The following SMIM35 variants were observed in gnomAD, a reference collection of about 807,000 sequenced individuals.
SMIM35 encodes the protein TMPRSS4 antisense RNA 1 (non-protein coding).
intron 1 of SMIM35, among the ~76,000 whole-genome samples, chr11:118,067,705 C>T (rs933709834): frequency 2.0e-5 from 3 of 150,278 alleles, no homozygotes; most frequent in African/African-American, 7.4e-5. Flanking sequence ...TGTGGTGGTG[C>T]GCCTATAGTT....
chr11:118,015,816 A>G lies in SMIM35; in HGVS notation c.8-7T>C, dbSNP rs1361143627. On this transcript the variant is annotated splice_polypyrimidine_tract_variant and splice_region_variant and intron_variant, in intron 1 of 4. Transcript: ENST00000689828. ...GTGCTGATGGAGTCCTCACCTGCAGAGACATGCAGCTGTGCACCCTCCCAC... is the reference window on the plus strand; with the variant it reads ...GTGCTGATGGAGTCCTCACCTGCAGGGACATGCAGCTGTGCACCCTCCCAC... 7.5e-6 allele frequency: 3 copies of G among 399,148 alleles called. No homozygotes were observed. The highest frequency in any genetic ancestry group is 1.3e-5 in the Non-Finnish European group (3 of 226,200). 24.7% of individuals were successfully genotyped at this position (399,148 alleles called of 1,614,324 possible). A position where few individuals can be genotyped will look rare whatever the true frequency, so the allele number is the denominator to read the frequency against.
chr11:118,081,200 C>T (rs1204467046), intron 1 of SMIM35, among the ~76,000 whole-genome samples: 1 of 152,206 alleles, frequency 6.6e-6, no homozygotes, highest in Non-Finnish European at 1.5e-5. Context: ...GAAAACAAGG[C>T]TCACCCGAAG....
intron 1 of SMIM35, among the ~76,000 whole-genome samples, chr11:118,062,313 G>A (rs1177891277): frequency 6.6e-6 from 1 of 152,218 alleles, no homozygotes; most frequent in Non-Finnish European, 1.5e-5. Context: ...CTGGGCAACA[G>A]AGCGAGACTC....
intron 1 of SMIM35, among the ~76,000 whole-genome samples, chr11:118,045,924 T>C (rs139324382): frequency 3.3e-4 from 50 of 152,390 alleles, no homozygotes; most frequent in African/African-American, 1.2e-3. Context: ...GATTGAGTTT[T>C]AATCCTCTCT....
At chr11:118,017,975 G>T (rs1279689844) in intron 1 of SMIM35, among the ~76,000 whole-genome samples, 2 of 152,194 alleles carry the variant, frequency 1.3e-5, no homozygotes, top group East Asian at 3.8e-4. Flanking sequence ...AACACATGGG[G>T]ATTATGGGAA....
intron 1 of SMIM35, chr11:118,077,239 G>T: frequency 6.4e-7 from 1 of 1,573,416 alleles, no homozygotes; most frequent in Non-Finnish European, 8.6e-7. Context: ...AGGCCCTCCT[G>T]CTGCCTTGGG....
intron 1 of SMIM35, among the ~76,000 whole-genome samples, chr11:118,049,092 G>A (rs958282539): frequency 1.3e-5 from 2 of 152,090 alleles, no homozygotes; most frequent in African/African-American, 4.8e-5. Context: ...GTGAGCTTTA[G>A]CAGCAACGTC....
chr11:118,077,050 T>C (rs1002962374), intron 1 of SMIM35: 1 of 481,844 alleles, frequency 2.1e-6, no homozygotes, highest in Middle Eastern at 5.4e-4. Context: ...AGGGCTGTTT[T>C]AATCAAGCTG....
intron 1 of SMIM35, among the ~76,000 whole-genome samples, chr11:118,078,881 G>C (rs1220176985): frequency 2.0e-5 from 3 of 152,320 alleles, no homozygotes; most frequent in African/African-American, 7.2e-5. Flanking sequence ...CATGCACCGG[G>C]TTCGCAGAGA....
intron 1 of SMIM35, among the ~76,000 whole-genome samples, chr11:118,074,448 G>A (rs1275770372): frequency 1.3e-5 from 2 of 152,246 alleles, no homozygotes; most frequent in African/African-American, 4.8e-5. Context: ...GCTTCCTCCG[G>A]GAGAATGGGG....
intron 4 of SMIM35, among the ~76,000 whole-genome samples, chr11:118,010,606 G>T (rs927564853): frequency 6.6e-6 from 1 of 152,216 alleles, no homozygotes; most frequent in African/African-American, 2.4e-5. Flanking sequence ...CTGCAATTCA[G>T]ATCAAAATGG....
chr11:118,018,819 C>T (rs747596515), intron 1 of SMIM35, among the ~76,000 whole-genome samples: 3 of 152,106 alleles, frequency 2.0e-5, no homozygotes, highest in Non-Finnish European at 4.4e-5. Flanking sequence ...TTTGATCTTT[C>T]TGGGATGCTC....
At chr11:118,006,567 T>C (rs1382109003) in intron 4 of SMIM35, among the ~76,000 whole-genome samples, 191 bp from the exon 5 acceptor site, 4 of 152,136 alleles carry the variant, frequency 2.6e-5, no homozygotes, top group East Asian at 1.9e-4. Context: ...CAATACTCAA[T>C]AAATTTTGAT....
intron 1 of SMIM35, among the ~76,000 whole-genome samples, chr11:118,044,383 G>A (rs940909018): frequency 5.3e-5 from 8 of 150,718 alleles, no homozygotes; most frequent in African/African-American, 1.7e-4. Context: ...GTGGCATTAT[G>A]CACCTTACTA....
At chr11:118,019,230 T>A (rs1369550956) in intron 1 of SMIM35, among the ~76,000 whole-genome samples, 8 of 152,230 alleles carry the variant, frequency 5.3e-5, no homozygotes. Context: ...GGACCAGGTT[T>A]ACTTTCCTAC....
intron 1 of SMIM35, among the ~76,000 whole-genome samples, chr11:118,037,467 C>T (rs1591290403): frequency 6.6e-6 from 1 of 152,216 alleles, no homozygotes; most frequent in East Asian, 1.9e-4. Context: ...CCCCAGGGTC[C>T]GGTGTTTTGA....
At chr11:118,041,973 C>T (rs1173527685) in intron 1 of SMIM35, among the ~76,000 whole-genome samples, 5 of 150,692 alleles carry the variant, frequency 3.3e-5, no homozygotes, top group South Asian at 2.1e-4. Flanking sequence ...ATAGCTTGAA[C>T]CTGGGAGGTG....
rs115163763 is a variant in SMIM35 at position 118,075,410 on chromosome 11, G to A, written c.7+11341C>T. ...GGCCAATAATCCATTACACAGATCC[G>A]GTATTCCTCCTGCTCAGACATCACT... On this transcript the variant is annotated intron_variant, in intron 1 of 4. Coordinates refer to ENST00000689828, the MANE Select transcript of SMIM35 (RefSeq NM_001394165.1). Among the ~76,000 whole-genome samples, 1,260 of 152,270 alleles carry A rather than the reference G, an allele frequency of 8.3e-3. 14 individuals are homozygous for A. The highest frequency in any genetic ancestry group is 0.026 in the African/African-American group (1,089 of 41,536).
intron 1 of SMIM35, among the ~76,000 whole-genome samples, chr11:118,045,477 G>A (rs1374038195): frequency 6.6e-6 from 1 of 152,024 alleles, no homozygotes; most frequent in East Asian, 1.9e-4. Context: ...AGTGGGGTAG[G>A]GAGTAGAAGT....
Sources: allele counts gnomAD v4.1 joint callset (sites outside exome capture counted in the v4.1 genomes callset), GRCh38; gene constraint gnomAD v4.1.1; transcripts MANE v1.5; gene names NCBI Gene and HGNC (gene_info 2026-07-23, HGNC 2026-07-21).